Variants in MYCT1 observed in about 807,000 individuals in gnomAD.
MYCT1 encodes the protein myc target protein 1.
A neutral mutation model predicts 15.0 loss-of-function variants in MYCT1; 12 were observed. That is an observed-to-expected ratio of 0.80 (90% confidence interval 0.51 to 1.29). The LOEUF is 1.29. Among genes scored for constraint, MYCT1 ranks in the 50% most tolerant of loss-of-function variants. The pLI is 0.00. For missense variants in MYCT1, 287 were observed against 279.1 expected, an observed-to-expected ratio of 1.03 and a Z score of -0.20; for synonymous variants, 104 against 102.7, an observed-to-expected ratio of 1.01 and a Z score of -0.07.
chr6:152,721,844 G>C lies in MYCT1; in HGVS notation c.299G>C (p.Ser100Thr). ...TGTCTGTCTCGAAGAAGAAGAGCCA[G>C]TGCTCCCATCTCACAGTGGAGTTCA... ...FICLSRRRRASAPISQWSSSR... is the reference protein window; with the variant it reads ...FICLSRRRRATAPISQWSSSR... The change falls in exon 2 of 2, where the codon AGT becomes ACT. Residue 100 changes from serine to threonine, a missense_variant. By Grantham distance (58) the Ser-to-Thr change is moderately conservative. Transcript: ENST00000367245. 1 of 1,614,110 alleles carries C rather than the reference G, an allele frequency of 6.2e-7. No individual in the cohort carries two copies. Among genetic ancestry groups the C allele is most frequent in the Admixed American group, 1.7e-5 (1 of 60,012 alleles).
At position 152,712,501 on chromosome 6, in the gene MYCT1, G is replaced by T. The variant is rs1444459625; in HGVS notation, c.197-9241G>T. On this transcript the variant is annotated intron_variant, in intron 1 of 1. Transcript: ENST00000367245. The stretch of plus-strand genomic sequence containing the variant: ...CCCTGCTTCGGCTCGCGCACGGTGC[G>T]CACACACACTGGCCTGCGCCCACTG... Among the ~76,000 whole-genome samples, 4 of 71,914 alleles carry T rather than the reference G, an allele frequency of 5.6e-5. 2 individuals carry two copies. Among genetic ancestry groups the T allele is most frequent in the African/African-American group, 1.5e-4 (4 of 27,124 alleles). The allele number at this position is 71,914 out of a possible 152,430, so 47.2% of individuals were successfully genotyped here.
intron 1 of MYCT1, 88 bp downstream of exon 1, chr6:152,698,186 G>T (rs1424891862): frequency 7.9e-6 from 6 of 757,522 alleles, no homozygotes; most frequent in African/African-American, 1.8e-5. Context: ...AAATCTCTGA[G>T]ACATTTTGTT....
chr6:152,728,162 T>TGG (rs755481447), downstream of MYCT1, among the ~76,000 whole-genome samples: 1 of 118,854 alleles, frequency 8.4e-6, no homozygotes, highest in Middle Eastern at 3.8e-3. Flanking sequence ...AGCCTCTGTC[T>TGG]GGAAAAAAAA....
downstream of MYCT1, among the ~76,000 whole-genome samples, chr6:152,727,829 G>A (rs1479778469): frequency 1.3e-5 from 2 of 152,064 alleles, no homozygotes; most frequent in Admixed American, 1.3e-4. Flanking sequence ...AGAGTGCCAG[G>A]GACTCAGGGA....
chr6:152,700,423 A>G (rs1316920893), intron 1 of MYCT1, among the ~76,000 whole-genome samples: 1 of 152,172 alleles, frequency 6.6e-6, no homozygotes, highest in East Asian at 1.9e-4. Context: ...TTGTTTTCCC[A>G]ATATAACTTT....
downstream of MYCT1, among the ~76,000 whole-genome samples, chr6:152,725,738 A>T (rs184229497): frequency 1.2e-3 from 182 of 152,338 alleles, no homozygotes; most frequent in African/African-American, 4.2e-3. Flanking sequence ...GTCTTGCACT[A>T]GGCAGACCAC....
At position 152,697,968 on chromosome 6, in the gene MYCT1, T is replaced by G. The variant is rs199760621; in HGVS notation, c.66T>G (p.Asp22Glu). ...TTTCTCTTGCTGTACTACAAAGAGA[T>G]AGAATCAAACTGCTTTTTTTCGACA... ...NYFSLAVLQR[D>E]RIKLLFFDIL... is the part of the protein sequence containing the mutation. Residue 22 changes from aspartate (D) to glutamate (E), a missense_variant, in exon 1 of 2, where the codon GAT (aspartate) becomes GAG (glutamate). Physicochemically the swap from Asp to Glu is conservative, Grantham distance 45. Coordinates refer to ENST00000367245, the MANE Select transcript of MYCT1 (RefSeq NM_025107.3). The G allele has an allele frequency of 9.4e-6, 14 of 1,488,110 alleles. No homozygotes were observed. The highest frequency in any genetic ancestry group is 1.3e-5 in the Non-Finnish European group (14 of 1,116,772). 92.2% of individuals were successfully genotyped at this position (1,488,110 alleles called of 1,614,324 possible).
chr6:152,713,231 G>A (rs1323910837), intron 1 of MYCT1, among the ~76,000 whole-genome samples: 1 of 151,654 alleles, frequency 6.6e-6, no homozygotes, highest in Non-Finnish European at 1.5e-5. Flanking sequence ...TTTAGTTTTA[G>A]AATATCCATT....
chr6:152,738,462 A>G, the MYCT1 span, among the ~76,000 whole-genome samples: 1 of 152,076 alleles, frequency 6.6e-6, no homozygotes, highest in Non-Finnish European at 1.5e-5. Context: ...ACAAGTTCCT[A>G]GGTTTTCACT....
At position 152,723,097 on chromosome 6, in the gene MYCT1, G is replaced by A. The variant is rs1192829044; in HGVS notation, c.*844G>A. Reference sequence around the variant, plus strand: ...AGGACATTCTAAAGTTCCTTGATTTGATCATTATAAGAAGTGTGGGACTCA... The same window carrying A: ...AGGACATTCTAAAGTTCCTTGATTTAATCATTATAAGAAGTGTGGGACTCA... On this transcript the variant is annotated 3_prime_UTR_variant, in exon 2 of 2. Transcript: ENST00000367245. The A allele has an allele frequency of 1.3e-5, 2 of 152,440 alleles. No individual in the cohort carries two copies. Among genetic ancestry groups the A allele is most frequent in the Non-Finnish European group, 2.9e-5 (2 of 68,242 alleles). The allele number at this position is 152,440 out of a possible 1,614,324, so 9.4% of individuals were successfully genotyped here. A position where few individuals can be genotyped will look rare whatever the true frequency, so the allele number is the denominator to read the frequency against.
chr6:152,736,271 C>T, the MYCT1 span, among the ~76,000 whole-genome samples: 2 of 152,106 alleles, frequency 1.3e-5, no homozygotes, highest in African/African-American at 4.8e-5. Flanking sequence ...AAAAAGGATC[C>T]TGTGTGATGC....
intron 1 of MYCT1, among the ~76,000 whole-genome samples, chr6:152,713,702 G>A (rs1416815774): frequency 6.6e-6 from 1 of 152,076 alleles, no homozygotes; most frequent in African/African-American, 2.4e-5. Flanking sequence ...CCAAAGATAT[G>A]TGAAATGTTT....
chr6:152,707,076 C>A (rs753043979), intron 1 of MYCT1, among the ~76,000 whole-genome samples: 1 of 151,972 alleles, frequency 6.6e-6, no homozygotes, highest in Non-Finnish European at 1.5e-5. Context: ...TTTTGAGGAA[C>A]CTTCATACTA....
chr6:152,728,660 G>A (rs1234762544), downstream of MYCT1, among the ~76,000 whole-genome samples: 4 of 152,114 alleles, frequency 2.6e-5, no homozygotes, highest in Non-Finnish European at 5.9e-5. Context: ...CTTTGGGAGT[G>A]TGAGGCAGGA....
At chr6:152,715,243 C>T (rs9397116) in intron 1 of MYCT1, among the ~76,000 whole-genome samples, 7,470 of 152,200 alleles carry the variant, frequency 0.049, 270 homozygotes, top group East Asian at 0.17. Context: ...CCATTGTACG[C>T]TTGCTCTCAT....
chr6:152,730,405 T>G, the MYCT1 span, among the ~76,000 whole-genome samples: 14 of 152,242 alleles, frequency 9.2e-5, no homozygotes, highest in Admixed American at 5.2e-4. Flanking sequence ...AGATAGCCAC[T>G]GGAACAAGAT....
intron 1 of MYCT1, among the ~76,000 whole-genome samples, chr6:152,704,736 C>A (rs963737701): frequency 1.3e-5 from 2 of 151,938 alleles, no homozygotes; most frequent in African/African-American, 4.8e-5. Flanking sequence ...GTATAATTGG[C>A]AAATAAAAAC....
the MYCT1 span, among the ~76,000 whole-genome samples, chr6:152,737,107 C>T: frequency 7.3e-6 from 1 of 136,946 alleles, no homozygotes; most frequent in Non-Finnish European, 1.7e-5. Context: ...GAATAAGACA[C>T]TCATAGACTG....
intron 1 of MYCT1, among the ~76,000 whole-genome samples, chr6:152,714,839 A>G (rs1003886377): frequency 6.6e-6 from 1 of 151,724 alleles, no homozygotes; most frequent in Non-Finnish European, 1.5e-5. Flanking sequence ...ATTTAAGTAT[A>G]TAACTTTCTA....
Sources: allele counts gnomAD v4.1 joint callset (sites outside exome capture counted in the v4.1 genomes callset), GRCh38; gene constraint gnomAD v4.1.1; transcripts MANE v1.5; gene names NCBI Gene and HGNC (gene_info 2026-07-23, HGNC 2026-07-21).